Variants in HPGD observed in about 807,000 individuals in gnomAD.
The protein encoded by HPGD is 15-hydroxyprostaglandin dehydrogenase [NAD(+)].
A neutral mutation model predicts 30.0 loss-of-function variants in HPGD; 29 were observed. The observed-to-expected ratio is 0.97, with a 90% CI of 0.72 to 1.32. The LOEUF (loss-of-function observed/expected upper bound fraction) is 1.32. Ranked by LOEUF, HPGD falls within the 40% of genes most tolerant of loss-of-function variation. HPGD has a pLI of 0.00. For synonymous variants in HPGD, 99 were observed against 112.4 expected (o/e 0.88, Z 0.75); for missense variants, 340 against 322.1 (o/e 1.06, Z -0.43).
Position 174,493,051 on chromosome 4 carries a change from C to T in HPGD, c.662+100G>A, listed in dbSNP as rs41279511. 628,988 of 1,125,088 alleles carry T rather than the reference C, an allele frequency of 0.56. 181,079 individuals carry two copies. Among genetic ancestry groups the T allele is most frequent in the Non-Finnish European group, 0.6 (486,509 of 813,992 alleles). The allele number at this position is 1,125,088 out of a possible 1,614,324, so 69.7% of individuals were successfully genotyped here. Reference sequence around the variant, plus strand: ...AAACCAAAAGTTTGAAGCTTGTGTTCATTTCTCAACTGTATAAGCTTATTT... The same window carrying T: ...AAACCAAAAGTTTGAAGCTTGTGTTTATTTCTCAACTGTATAAGCTTATTT... On this transcript the variant is annotated intron_variant, in intron 6 of 6. Coordinates refer to ENST00000296522, the MANE Select transcript of HPGD (RefSeq NM_000860.6).
chr4:174,520,598 T>G (rs931601731), intron 2 of HPGD, among the ~76,000 whole-genome samples: 3 of 152,216 alleles, frequency 2.0e-5, no homozygotes, highest in Non-Finnish European at 4.4e-5. Flanking sequence ...TCATTTATCC[T>G]TAAGGAATGA....
intron 3 of HPGD, among the ~76,000 whole-genome samples, chr4:174,517,115 T>G (rs765955601): frequency 3.3e-5 from 5 of 152,162 alleles, no homozygotes; most frequent in Admixed American, 6.5e-5. Flanking sequence ...TATTTGACAT[T>G]TAGTTTTAGT....
At chr4:174,522,148 C>A in intron 1 of HPGD, 81 bp from the exon 2 acceptor site, 2 of 1,598,320 alleles carry the variant, frequency 1.3e-6, no homozygotes, top group South Asian at 2.2e-5. Flanking sequence ...AAGAGGCTCC[C>A]CTCCTGGACC....
At chr4:174,520,792 A>G (rs1296201087) in intron 2 of HPGD, among the ~76,000 whole-genome samples, 2 of 152,216 alleles carry the variant, frequency 1.3e-5, no homozygotes, top group Non-Finnish European at 2.9e-5. Context: ...ATCATGTGCA[A>G]TCAACATAAT....
intron 3 of HPGD, 102 bp downstream of exon 3, chr4:174,517,869 T>TAAC (rs961675328): frequency 2.1e-5 from 14 of 663,738 alleles, no homozygotes; most frequent in Non-Finnish European, 8.1e-6. Context: ...TTCAATATTG[T>TAAC]AGGTCATTGT....
chr4:174,514,074 G>C (rs1735649747), intron 3 of HPGD, among the ~76,000 whole-genome samples: 1 of 151,914 alleles, frequency 6.6e-6, no homozygotes, highest in Non-Finnish European at 1.5e-5. Flanking sequence ...TATAAGAAAA[G>C]AAAATTAAGG....
At chr4:174,501,307 T>C (rs968905757) in intron 4 of HPGD, among the ~76,000 whole-genome samples, 8 of 152,188 alleles carry the variant, frequency 5.3e-5, no homozygotes, top group African/African-American at 1.9e-4. Flanking sequence ...GGAAATATTC[T>C]GTCACAACAT....
Position 174,493,202 on chromosome 4 carries a change from A to G in HPGD, c.611T>C (p.Ile204Thr), listed in dbSNP as rs749133142. 1 of 1,607,956 alleles carries G rather than the reference A, an allele frequency of 6.2e-7. No homozygotes were observed. Among genetic ancestry groups the G allele is most frequent in the South Asian group, 1.1e-5 (1 of 90,894 alleles). ...IEKEENMGQY[I>T]EYKDHIKDMI... Reference sequence around the variant, plus strand: ...ATCCTTGATATGATCCTTATATTCTATATATTGTCCCATGTTTTCTTCTTT... The same window carrying G: ...ATCCTTGATATGATCCTTATATTCTGTATATTGTCCCATGTTTTCTTCTTT... The change falls in exon 6 of 7, where the codon ATA (isoleucine) becomes ACA (threonine). Residue 204 changes from isoleucine (I) to threonine (T), a missense_variant. By Grantham distance (89) the Ile-to-Thr change is moderately conservative. Transcript: ENST00000296522.
chr4:174,509,153 C>A (rs112760268), intron 3 of HPGD, among the ~76,000 whole-genome samples: 34 of 151,814 alleles, frequency 2.2e-4, no homozygotes, highest in Non-Finnish European at 3.7e-4. Context: ...ATTTATTTAC[C>A]CTTCTTCTCT....
At chr4:174,510,261 T>C (rs1247104704) in intron 3 of HPGD, among the ~76,000 whole-genome samples, 2 of 148,640 alleles carry the variant, frequency 1.3e-5, no homozygotes, top group Non-Finnish European at 3.0e-5. Flanking sequence ...ACTTAAGCCA[T>C]GTGTCAATTT....
At chr4:174,522,265 C>CG (rs1178466078) in intron 1 of HPGD, 94 bp downstream of exon 1, 5 of 1,368,908 alleles carry the variant, frequency 3.7e-6, no homozygotes, top group Non-Finnish European at 5.0e-6. Context: ...ACGCCGGGCG[C>CG]GGCCTCCCTG....
At chr4:174,506,599 A>T (rs1385512063) in intron 4 of HPGD, 4 of 152,220 alleles carry the variant, frequency 2.6e-5, no homozygotes, top group Non-Finnish European at 2.9e-5. Flanking sequence ...CATTTTCAAA[A>T]TGGAAATTAT....
intron 5 of HPGD, 181 bp from the exon 6 acceptor site, chr4:174,493,495 A>G (rs1034936877): frequency 1.7e-6 from 1 of 580,838 alleles, no homozygotes. Context: ...TATTGTATTA[A>G]TTCCTGAAAA....
At chr4:174,502,317 G>C (rs1286785117) in intron 4 of HPGD, among the ~76,000 whole-genome samples, 2 of 152,172 alleles carry the variant, frequency 1.3e-5, no homozygotes, top group African/African-American at 2.4e-5. Context: ...CTTATCTGAT[G>C]GCTGTTTTTT....
chr4:174,522,549 G>C (rs1736216897), upstream of HPGD: 1 of 855,838 alleles, frequency 1.2e-6, no homozygotes, highest in South Asian at 2.0e-5. Flanking sequence ...GCAGCCCGGC[G>C]GGGCGCTCCC....
chr4:174,501,214 A>G (rs1734884707), intron 4 of HPGD, among the ~76,000 whole-genome samples: 1 of 152,242 alleles, frequency 6.6e-6, no homozygotes, highest in Non-Finnish European at 1.5e-5. Flanking sequence ...AGATACCAGT[A>G]TAATGACTAT....
At chr4:174,510,813 C>T (rs759670170) in intron 3 of HPGD, among the ~76,000 whole-genome samples, 9 of 152,036 alleles carry the variant, frequency 5.9e-5, no homozygotes, top group East Asian at 1.9e-4. Flanking sequence ...CGCATGTGCA[C>T]GTGTGTCTAT....
rs186313653 is a variant in HPGD, at chr4:174,491,861, G to C, written c.*95C>G. 0.011 allele frequency: 12,828 copies of C among 1,207,976 alleles called. 89 individuals are homozygous for C. Among genetic ancestry groups the C allele is most frequent in the Non-Finnish European group, 0.013 (10,541 of 818,646 alleles). 74.8% of individuals were successfully genotyped at this position (1,207,976 alleles called of 1,614,324 possible). On this transcript the variant is annotated 3_prime_UTR_variant, in exon 7 of 7. Coordinates refer to ENST00000296522, the MANE Select transcript of HPGD (RefSeq NM_000860.6). ...AGTGCATGAAGGAAAACTTCAAACT[G>C]TAACATTTCATTTAAAAGCTATATT...
At chr4:174,515,674 A>G (rs1399070462) in intron 3 of HPGD, among the ~76,000 whole-genome samples, 1 of 152,188 alleles carries the variant, frequency 6.6e-6, no homozygotes, top group Non-Finnish European at 1.5e-5. Flanking sequence ...CTATCAAAGC[A>G]GTAAGCAGAT....
Sources: allele counts gnomAD v4.1 joint callset (sites outside exome capture counted in the v4.1 genomes callset), GRCh38; gene constraint gnomAD v4.1.1; transcripts MANE v1.5; gene names NCBI Gene and HGNC (gene_info 2026-07-23, HGNC 2026-07-21).